INTS2: variants seen among roughly 807,000 people sequenced by gnomAD.
INTS2 encodes the protein integrator complex subunit 2.
INTS2 carries 57 observed loss-of-function variants against 139.6 expected under a neutral mutation model. The observed-to-expected ratio is 0.41, with a 90% CI of 0.33 to 0.51. INTS2 has a LOEUF of 0.51. Ranked by LOEUF, INTS2 falls within the 20% of genes least tolerant of loss-of-function variation. The probability of loss-of-function intolerance (pLI) is 0.28; values close to 1 mark genes in which losing one functional copy is unlikely to be tolerated. For missense variants in INTS2, 1,196 were observed against 1,436.7 expected, an observed-to-expected ratio of 0.83 and a Z score of 2.71; for synonymous variants, 473 against 493.4, an observed-to-expected ratio of 0.96 and a Z score of 0.55.
intron 1 of INTS2, 142 bp from the exon 2 acceptor site, chr17:61,926,804 T>G: frequency 1.4e-6 from 1 of 708,786 alleles, no homozygotes; most frequent in East Asian, 2.7e-5. Context: ...AAGACAAGGC[T>G]TCTCTGTCTC....
chr17:61,912,207 A>G, intron 5 of INTS2, 137 bp from the exon 6 acceptor site: 1 of 828,250 alleles, frequency 1.2e-6, no homozygotes, highest in Non-Finnish European at 1.9e-6. Context: ...AAATGAAAAG[A>G]GACTTAAAAA....
intron 9 of INTS2, among the ~76,000 whole-genome samples, chr17:61,903,516 C>G (rs1295925400): frequency 6.6e-6 from 1 of 151,856 alleles, no homozygotes; most frequent in South Asian, 2.1e-4. Flanking sequence ...GAAATCTCCT[C>G]AAGAAGATGA....
At chr17:61,926,858 G>A (rs2079721044) in intron 1 of INTS2, among the ~76,000 whole-genome samples, 196 bp from the exon 2 acceptor site, 1 of 152,140 alleles carries the variant, frequency 6.6e-6, no homozygotes, top group Non-Finnish European at 1.5e-5. Context: ...AGAAAACAGA[G>A]TATATTAATG....
At position 61,872,932 on chromosome 17, in the gene INTS2, G is replaced by C. The variant is rs951856900; in HGVS notation, c.2583-472C>G. On this transcript the variant is annotated intron_variant, in intron 19 of 24. Transcript: ENST00000251334. This position sits in a 1 kb window ranked among gnomAD's most constrained non-coding sequence, Gnocchi z 4.8. The stretch of plus-strand genomic sequence containing the variant: ...GAATCTATTTTCACCTATCAAATTG[G>C]AAAACATTATATCAAATAGTGCAGG... Among the ~76,000 whole-genome samples, 1 of 152,102 alleles carries C rather than the reference G, an allele frequency of 6.6e-6. No individual in the cohort carries two copies. The highest frequency in any genetic ancestry group is 2.4e-5 in the African/African-American group (1 of 41,430).
In INTS2 at chr17:61,870,386, C is replaced by T. The variant is rs994921140; in HGVS notation, c.2779-398G>A. Among the ~76,000 whole-genome samples the T allele has an allele frequency of 1.3e-5, 2 of 152,162 alleles. No individual in the cohort carries two copies. The highest frequency in any genetic ancestry group is 2.9e-5 in the Non-Finnish European group (2 of 68,028). ...ATGACTTCTACCAGAATGTCCTTTC[C>T]TTCCTCTTAATCTCCTACTTTTCCC... On this transcript the variant is annotated intron_variant, in intron 20 of 24. Coordinates refer to ENST00000251334, the MANE Select transcript of INTS2 (RefSeq NM_001351695.2). This position sits in a 1 kb window ranked among gnomAD's most constrained non-coding sequence, Gnocchi z 4.4.
chr17:61,914,556 C>T (rs994636670), intron 5 of INTS2, among the ~76,000 whole-genome samples: 7 of 151,838 alleles, frequency 4.6e-5, no homozygotes, highest in South Asian at 2.1e-4. Context: ...AAAAATTAGC[C>T]GGGCGTGGTG....
chr17:61,881,788 T>A (rs1212404958), intron 16 of INTS2, among the ~76,000 whole-genome samples: 2 of 152,200 alleles, frequency 1.3e-5, no homozygotes, highest in Non-Finnish European at 2.9e-5. Flanking sequence ...CAAGGGAAAC[T>A]GCTTAAATGA....
At chr17:61,878,445 T>A (rs998585463) in intron 17 of INTS2, among the ~76,000 whole-genome samples, 4 of 151,870 alleles carry the variant, frequency 2.6e-5, no homozygotes, top group Non-Finnish European at 5.9e-5. Flanking sequence ...GCACCTGTAA[T>A]CCCAGCTACT....
chr17:61,889,710 A>G, intron 15 of INTS2, 76 bp downstream of exon 15: 1 of 699,130 alleles, frequency 1.4e-6, no homozygotes, highest in Non-Finnish European at 2.5e-6. Context: ...CTTATCAAAG[A>G]ACAGTTTGGA....
chr17:61,915,010 C>A (rs1418922676), intron 5 of INTS2, among the ~76,000 whole-genome samples: 1 of 151,820 alleles, frequency 6.6e-6, no homozygotes, highest in East Asian at 1.9e-4. Context: ...TCAAGACCAG[C>A]CTGGCCAACA....
intron 16 of INTS2, 25 bp downstream of exon 16, chr17:61,884,876 C>T (rs752323014): frequency 2.9e-6 from 4 of 1,373,682 alleles, no homozygotes; most frequent in Non-Finnish European, 4.1e-6. Context: ...TAAACTTTAG[C>T]AGTAAAAAGC....
chr17:61,881,230 C>G (rs987381133), intron 16 of INTS2, 59 bp from the exon 17 acceptor site: 24 of 1,298,364 alleles, frequency 1.8e-5, no homozygotes, highest in Non-Finnish European at 2.6e-5. Context: ...GAAGCTTCCC[C>G]ACCCCTCTCA....
rs1054947903 is a variant in INTS2, at chr17:61,868,503, C to T, written c.3245-494G>A. Among the ~76,000 whole-genome samples, 8 of 152,060 alleles carry T rather than the reference C, an allele frequency of 5.3e-5. No homozygotes were observed. The highest frequency in any genetic ancestry group is 1.7e-4 in the African/African-American group (7 of 41,430). ...GAATACTAAGTTAACTATGCCATTA[C>T]ATTAAGGGTTGCATTATAGTTCATA... On this transcript the variant is annotated intron_variant, in intron 23 of 24. Coordinates refer to ENST00000251334, the MANE Select transcript of INTS2 (RefSeq NM_001351695.2). This position sits in a 1 kb window ranked among gnomAD's most constrained non-coding sequence, Gnocchi z 4.7.
At chr17:61,902,901 T>A (rs2079421699) in intron 9 of INTS2, among the ~76,000 whole-genome samples, 1 of 145,052 alleles carries the variant, frequency 6.9e-6, no homozygotes, top group Non-Finnish European at 1.5e-5. Context: ...GCACGGTGGC[T>A]CACGCCTGTA....
At position 61,895,315 on chromosome 17, in the gene INTS2, C is replaced by T; in HGVS notation, c.1563G>A (p.Gln521=). 6.4e-7 allele frequency: 1 copy of T among 1,551,612 alleles called. No individual in the cohort carries two copies. The highest frequency in any genetic ancestry group is 8.7e-7 in the Non-Finnish European group (1 of 1,146,846). ...TIFTQEIFTE[Q]VVTAHAVRVP... ...AGTACCTAAGAATAAAAAGAAATAC[C>T]TGCTCAGTAAAAATTTCCTGTGTGA... Residue 521 remains glutamine (Q), a splice_region_variant and synonymous_variant, in exon 12 of 25, where the codon CAG becomes CAA. Coordinates refer to ENST00000251334, the MANE Select transcript of INTS2 (RefSeq NM_001351695.2).
At chr17:61,889,469 A>G (rs1414103665) in intron 15 of INTS2, among the ~76,000 whole-genome samples, 2 of 152,198 alleles carry the variant, frequency 1.3e-5, no homozygotes, top group Non-Finnish European at 2.9e-5. Flanking sequence ...AATCAAGAGA[A>G]AAAAATTCAG....
chr17:61,891,764 C>T, intron 13 of INTS2, 75 bp from the exon 14 acceptor site: 3 of 1,049,572 alleles, frequency 2.9e-6, no homozygotes, highest in Non-Finnish European at 4.1e-6. Context: ...AAAGTACATA[C>T]AGTTTTACAT....
At chr17:61,901,350 C>T (rs1299896619) in intron 9 of INTS2, among the ~76,000 whole-genome samples, 3 of 150,602 alleles carry the variant, frequency 2.0e-5, no homozygotes, top group African/African-American at 7.3e-5. Context: ...AAAATAGAGA[C>T]CCAAAAAAGG....
chr17:61,919,328 T>C (rs1301911655), intron 5 of INTS2, 72 bp downstream of exon 5: 1 of 713,572 alleles, frequency 1.4e-6, no homozygotes. Context: ...TGTTTCTTCT[T>C]AGGTCAAAAA....
Sources: gnomAD v4.1 joint callset for allele counts (sites outside exome capture counted in the v4.1 genomes callset) on GRCh38, gnomAD v4.1.1 for gene constraint, Gnocchi (gnomAD v3.1) non-coding constraint, MANE v1.5 for transcripts, NCBI Gene and HGNC (gene_info 2026-07-23, HGNC 2026-07-21) for gene names.